Variants in PAX5 observed in about 807,000 individuals in gnomAD.
PAX5 encodes the protein paired box protein Pax-5.
PAX5 carries 9 observed loss-of-function variants against 43.7 expected under a neutral mutation model. The observed-to-expected ratio is 0.21, with a 90% CI of 0.12 to 0.36. The LOEUF (loss-of-function observed/expected upper bound fraction) is 0.36. Ranked by LOEUF, PAX5 falls within the 10% of genes least tolerant of loss-of-function variation. The pLI is 1.00. For missense variants in PAX5, 383 were observed against 532.7 expected (o/e 0.72, Z 2.77); for synonymous variants, 228 against 214.3 (o/e 1.06, Z -0.56).
intron 5 of PAX5, among the ~76,000 whole-genome samples, chr9:36,969,857 C>T (rs1834789607): frequency 6.6e-6 from 1 of 152,236 alleles, no homozygotes; most frequent in African/African-American, 2.4e-5. Flanking sequence ...ACCAGCACCT[C>T]GCTTGCTTTC....
intron 8 of PAX5, among the ~76,000 whole-genome samples, chr9:36,860,162 T>C (rs187438238): frequency 0.01 from 1,520 of 150,918 alleles, 25 homozygotes; most frequent in African/African-American, 0.035. Context: ...CATGGTGAAA[T>C]CCTATCTCTA....
At chr9:37,002,511 A>G in intron 5 of PAX5, 137 bp downstream of exon 5, 1 of 874,194 alleles carries the variant, frequency 1.1e-6, no homozygotes. Context: ...CGAAAAGGAC[A>G]GCGTGCGGGC....
Position 36,846,613 on chromosome 9 carries a change from T to C in PAX5, c.1099+230A>G, listed in dbSNP as rs181378586. ...CTCTGTTTCCCTTCTGTGCCATTTT[T>C]CCTAACCCACCAAAGCATCTGGGGG... On this transcript the variant is annotated intron_variant, in intron 9 of 9. Coordinates refer to ENST00000358127, the MANE Select transcript of PAX5 (RefSeq NM_016734.3). Among the ~76,000 whole-genome samples, 375 of 152,286 alleles carry C rather than the reference T, an allele frequency of 2.5e-3. 1 individual carries two copies. The highest frequency in any genetic ancestry group is 8.8e-3 in the African/African-American group (364 of 41,550).
chr9:36,869,874 A>AT (rs1825271562), intron 8 of PAX5, among the ~76,000 whole-genome samples: 1 of 30,712 alleles, frequency 3.3e-5, no homozygotes. Context: ...ATGGATGGAT[A>AT]AATGGATGGA....
chr9:36,966,965 G>A (rs1395592144), intron 5 of PAX5, among the ~76,000 whole-genome samples: 1 of 152,188 alleles, frequency 6.6e-6, no homozygotes, highest in Non-Finnish European at 1.5e-5. Context: ...CAGGCATCAT[G>A]TCATCTAATC....
chr9:36,853,354 T>C (rs979094018), intron 8 of PAX5, among the ~76,000 whole-genome samples: 3 of 152,156 alleles, frequency 2.0e-5, no homozygotes, highest in African/African-American at 7.2e-5. Context: ...TAATAGAACA[T>C]TGTCAACAGC....
intron 8 of PAX5, among the ~76,000 whole-genome samples, chr9:36,863,974 T>C (rs1355375292): frequency 2.0e-5 from 3 of 152,160 alleles, no homozygotes; most frequent in African/African-American, 7.2e-5. Context: ...CTGGGCATGG[T>C]GGCATGTGCC....
intron 7 of PAX5, among the ~76,000 whole-genome samples, chr9:36,914,290 G>A (rs1461024841): frequency 1.3e-5 from 2 of 152,174 alleles, no homozygotes; most frequent in Non-Finnish European, 2.9e-5. Context: ...GAATTTTCTA[G>A]GAATGCAACT....
chr9:36,913,793 AGCCCTGGGCCGG>A (rs1343111851), intron 7 of PAX5, among the ~76,000 whole-genome samples: 1 of 152,160 alleles, frequency 6.6e-6, no homozygotes, highest in Admixed American at 6.5e-5. Flanking sequence ...CCCCAGGTAG[AGCCCTGGGCCGG>A]GCTCACCATC....
At chr9:37,032,645 G>T (rs1308800631) in intron 1 of PAX5, among the ~76,000 whole-genome samples, 5 of 152,204 alleles carry the variant, frequency 3.3e-5, no homozygotes, top group Admixed American at 2.0e-4. Flanking sequence ...GAGGCTGGAG[G>T]AGAGATGGGG....
intron 1 of PAX5, among the ~76,000 whole-genome samples, chr9:37,023,370 A>C (rs993423050): frequency 1.3e-5 from 2 of 152,128 alleles, no homozygotes; most frequent in African/African-American, 4.8e-5. Context: ...TTCTTGGAGA[A>C]CCCAAGTCCC....
At chr9:36,988,922 T>C (rs1006325002) in intron 5 of PAX5, among the ~76,000 whole-genome samples, 4 of 152,134 alleles carry the variant, frequency 2.6e-5, no homozygotes, top group Non-Finnish European at 5.9e-5. Context: ...GGTGAGGAAA[T>C]TGAAGCTCAA....
At chr9:37,026,053 A>C (rs1840324887) in intron 1 of PAX5, among the ~76,000 whole-genome samples, 1 of 152,138 alleles carries the variant, frequency 6.6e-6, no homozygotes, top group African/African-American at 2.4e-5. Context: ...CTTAGCTCTC[A>C]ACCTCTTCCT....
At chr9:36,885,172 C>A (rs1488992353) in intron 7 of PAX5, among the ~76,000 whole-genome samples, 3 of 152,210 alleles carry the variant, frequency 2.0e-5, no homozygotes, top group South Asian at 2.1e-4. Flanking sequence ...GTGTTCCAGG[C>A]ACTGGTATGG....
intron 5 of PAX5, among the ~76,000 whole-genome samples, chr9:36,996,101 A>T (rs917831510): frequency 1.3e-5 from 2 of 152,212 alleles, no homozygotes; most frequent in South Asian, 4.1e-4. Flanking sequence ...CCGTGGCTCC[A>T]CAGCTCCAAA....
At chr9:36,957,392 A>G (rs139854839) in intron 6 of PAX5, among the ~76,000 whole-genome samples, 186 of 152,324 alleles carry the variant, frequency 1.2e-3, no homozygotes, top group Middle Eastern at 6.8e-3. Flanking sequence ...AGCCCCTAGA[A>G]ACGGTTGGGA....
At chr9:36,920,395 T>C (rs1414098233) in intron 7 of PAX5, among the ~76,000 whole-genome samples, 1 of 152,136 alleles carries the variant, frequency 6.6e-6, no homozygotes, top group Non-Finnish European at 1.5e-5. Context: ...GCCACCCCAA[T>C]CTTCAGCAAC....
intron 8 of PAX5, 106 bp from the exon 9 acceptor site, chr9:36,847,035 C>A: frequency 1.4e-6 from 1 of 722,994 alleles, no homozygotes; most frequent in East Asian, 2.7e-5. Context: ...TTGCCTCTTC[C>A]GTGAGTTGCA....
intron 7 of PAX5, among the ~76,000 whole-genome samples, chr9:36,895,705 T>A (rs1827802471): frequency 6.6e-6 from 1 of 151,996 alleles, no homozygotes; most frequent in African/African-American, 2.4e-5. Flanking sequence ...CTGAGAGAAG[T>A]GAAGTAACTT....
Sources: allele counts gnomAD v4.1 joint callset (sites outside exome capture counted in the v4.1 genomes callset), GRCh38; gene constraint gnomAD v4.1.1; transcripts MANE v1.5; gene names NCBI Gene and HGNC (gene_info 2026-07-23, HGNC 2026-07-21).